Variants in SORBS2 observed in about 807,000 individuals in gnomAD.
SORBS2 encodes the protein sorbin and SH3 domain containing 2.
Under a neutral mutation model 97.7 loss-of-function variants are expected in SORBS2, and 46 were observed. That is an observed-to-expected ratio of 0.47 (90% CI 0.37 to 0.60). The LOEUF (loss-of-function observed/expected upper bound fraction) is 0.60, where lower values mean the gene tolerates loss of function less well. Among genes scored for constraint, SORBS2 ranks in the 20% least tolerant of loss-of-function variants. The pLI is 0.00. For missense variants in SORBS2, 1,316 were observed against 1,282.3 expected (o/e 1.03, Z -0.40); for synonymous variants, 476 against 473.4 (o/e 1.01, Z -0.07).
At chr4:185,788,865 T>A (rs2099068110) in intron 1 of SORBS2, among the ~76,000 whole-genome samples, 1 of 152,242 alleles carries the variant, frequency 6.6e-6, no homozygotes, top group Non-Finnish European at 1.5e-5. Flanking sequence ...GATTAAGATC[T>A]ATCCACTTGG....
chr4:185,649,686 A>G, intron 2 of SORBS2, 30 bp from the exon 12 acceptor site: 2 of 1,320,588 alleles, frequency 1.5e-6, no homozygotes, highest in Non-Finnish European at 2.0e-6. Context: ...AAGCAGACAA[A>G]AAACAGAAGC....
At chr4:185,654,256 T>C (rs993366970) in intron 1 of SORBS2, among the ~76,000 whole-genome samples, 14 of 152,206 alleles carry the variant, frequency 9.2e-5, no homozygotes, top group South Asian at 2.1e-4. Context: ...GGTCTATTAT[T>C]TGCTGGTTCA....
intron 1 of SORBS2, among the ~76,000 whole-genome samples, chr4:185,885,784 C>T (rs549364738): frequency 3.0e-4 from 45 of 152,328 alleles, no homozygotes; most frequent in African/African-American, 5.3e-4. Flanking sequence ...GAAGCCAAAT[C>T]GTGCTTCACA....
chr4:185,955,285 G>A (rs1215187194), intron 1 of SORBS2, among the ~76,000 whole-genome samples: 1 of 152,052 alleles, frequency 6.6e-6, no homozygotes, highest in African/African-American at 2.4e-5. Context: ...GTCCCACAGA[G>A]GATAATGAAC....
At chr4:185,693,059 C>T (rs2098123155) in intron 2 of SORBS2, among the ~76,000 whole-genome samples, 1 of 152,112 alleles carries the variant, frequency 6.6e-6, no homozygotes. Flanking sequence ...GTGTAGGGAG[C>T]AGGGCAGGAG....
chr4:185,862,182 T>C (rs2099224196), intron 1 of SORBS2, among the ~76,000 whole-genome samples: 1 of 152,136 alleles, frequency 6.6e-6, no homozygotes, highest in Admixed American at 6.6e-5. Flanking sequence ...AGAGAAGCAT[T>C]ACTAAGAGCA....
intron 8 of SORBS2, among the ~76,000 whole-genome samples, chr4:185,619,314 C>T (rs949564585): frequency 6.6e-5 from 10 of 152,190 alleles, no homozygotes; most frequent in Non-Finnish European, 1.3e-4. Context: ...CTCTTCCTTC[C>T]TCACCAACCA....
At chr4:185,656,503 G>A (rs1581963616) in intron 1 of SORBS2, 1 of 565,610 alleles carries the variant, frequency 1.8e-6, no homozygotes. Context: ...TGTCTTGGCT[G>A]CCCAGGTCTG....
At chr4:185,904,373 G>C (rs937684530) in intron 1 of SORBS2, among the ~76,000 whole-genome samples, 1 of 152,144 alleles carries the variant, frequency 6.6e-6, no homozygotes, top group Non-Finnish European at 1.5e-5. Context: ...CTTACTCCAG[G>C]GGTAGTGGAT....
chr4:185,595,717 A>G (rs921570350), intron 12 of SORBS2, among the ~76,000 whole-genome samples: 1 of 150,734 alleles, frequency 6.6e-6, no homozygotes, highest in Non-Finnish European at 1.5e-5. Context: ...TAGTTTTCTT[A>G]ACCATTCCTC....
intron 1 of SORBS2, among the ~76,000 whole-genome samples, chr4:185,825,611 C>T (rs921446883): frequency 2.6e-5 from 4 of 152,118 alleles, no homozygotes; most frequent in African/African-American, 9.7e-5. Flanking sequence ...TAGGATAAAT[C>T]ATTTTGATCA....
At chr4:185,591,985 C>T (rs1157376802) in intron 13 of SORBS2, 1 of 152,220 alleles carries the variant, frequency 6.6e-6, no homozygotes, top group East Asian at 1.9e-4. Flanking sequence ...AATCCTCCTG[C>T]CTCTCCTGGC....
At chr4:185,884,359 T>C (rs2149785326) in intron 1 of SORBS2, among the ~76,000 whole-genome samples, 1 of 152,314 alleles carries the variant, frequency 6.6e-6, no homozygotes, top group African/African-American at 2.4e-5. Flanking sequence ...ATTCCTGATG[T>C]TTATAGTAGG....
At chr4:185,734,756 A>G (rs2098671786) in intron 2 of SORBS2, among the ~76,000 whole-genome samples, 1 of 152,080 alleles carries the variant, frequency 6.6e-6, no homozygotes, top group East Asian at 1.9e-4. Flanking sequence ...AGCTCTCCCA[A>G]AATGCTCTCT....
intron 1 of SORBS2, chr4:185,811,786 T>G (rs1247725263): frequency 2.0e-5 from 3 of 152,356 alleles, no homozygotes; most frequent in African/African-American, 4.8e-5. Flanking sequence ...AGCGTCCGCC[T>G]GCGTTCCAGT....
At position 185,905,451 on chromosome 4, in the gene SORBS2, A is replaced by C. The variant is rs75065230; in HGVS notation, c.-338+50745T>G. Among the ~76,000 whole-genome samples, 5 of 152,320 alleles carry C rather than the reference A, an allele frequency of 3.3e-5. No individual in the cohort carries two copies. The East Asian group carries it at 9.6e-4, about 29-fold the overall frequency. Reference sequence around the variant, plus strand: ...GGTCTACTAAAATGTTTTGGCTCTGAAAAATGACTCTCACTTGCAAATGCT... The same window carrying C: ...GGTCTACTAAAATGTTTTGGCTCTGCAAAATGACTCTCACTTGCAAATGCT... On this transcript the variant is annotated intron_variant, in intron 1 of 20. Coordinates refer to the SORBS2 transcript ENST00000284776.
rs1310214421 is a variant in SORBS2, at chr4:185,941,186, T to G, written c.-338+15010A>C. On this transcript the variant is annotated intron_variant, in intron 1 of 20. Transcript: ENST00000284776. ...GACACCATTCTAAAGTTTTTACATT[T>G]ATTTCCTCTTTAATCCTCATGTTCC... Among the ~76,000 whole-genome samples the G allele has an allele frequency of 2.6e-5, 4 of 152,224 alleles. 1 individual carries two copies. Among genetic ancestry groups the G allele is most frequent in the Non-Finnish European group, 5.9e-5 (4 of 68,042 alleles).
chr4:185,669,447 A>G (rs1010500726), intron 4 of SORBS2, among the ~76,000 whole-genome samples: 2 of 152,172 alleles, frequency 1.3e-5, no homozygotes, highest in African/African-American at 4.8e-5. Context: ...GTGACAACAC[A>G]TCTATAGTCA....
intron 2 of SORBS2, among the ~76,000 whole-genome samples, chr4:185,769,618 G>A (rs550424431): frequency 1.3e-5 from 2 of 152,246 alleles, no homozygotes; most frequent in Non-Finnish European, 2.9e-5. Context: ...AGCCTCCTGA[G>A]TAGCTGGGAT....
Sources: allele counts gnomAD v4.1 joint callset (sites outside exome capture counted in the v4.1 genomes callset), GRCh38; gene constraint gnomAD v4.1.1; transcripts MANE v1.5; gene names NCBI Gene and HGNC (gene_info 2026-07-23, HGNC 2026-07-21).